Variants in EFHD1 observed in about 807,000 individuals in gnomAD.
EFHD1 encodes EF-hand domain-containing protein D1.
EFHD1 carries 10 observed loss-of-function variants against 17.2 expected under a neutral mutation model. That is an observed-to-expected ratio of 0.58 (90% CI 0.36 to 0.99). The LOEUF (loss-of-function observed/expected upper bound fraction) is 0.99. Among genes scored for constraint, EFHD1 ranks in the 50% least tolerant of loss-of-function variants. The pLI, the probability that EFHD1 is intolerant of heterozygous loss-of-function variation, is 0.01. For synonymous variants in EFHD1, 153 were observed against 142.0 expected, an observed-to-expected ratio of 1.08 and a Z score of -0.55; for missense variants, 310 against 327.5, an observed-to-expected ratio of 0.95 and a Z score of 0.41.
intron 1 of EFHD1, among the ~76,000 whole-genome samples, chr2:232,638,994 G>C (rs1694373387): frequency 6.6e-6 from 1 of 152,190 alleles, no homozygotes; most frequent in Admixed American, 6.5e-5. Context: ...CCTTGGAACT[G>C]TGTCTTAGAC....
intron 1 of EFHD1, among the ~76,000 whole-genome samples, chr2:232,622,262 G>A (rs1333378399): frequency 6.6e-6 from 1 of 152,214 alleles, no homozygotes; most frequent in Non-Finnish European, 1.5e-5. Flanking sequence ...GAGGTCAGGA[G>A]TTCGAGACCA....
At chr2:232,630,780 C>G (rs1694186625), upstream of EFHD1, among the ~76,000 whole-genome samples, 1 of 76,902 alleles carries the variant, frequency 1.3e-5, no homozygotes, top group Non-Finnish European at 2.5e-5. Flanking sequence ...GATCTCATCT[C>G]TATTAAAAAA....
Position 232,666,016 on chromosome 2 carries a change from G to A in EFHD1, c.450+3067G>A, listed in dbSNP as rs531426720. ...CCCTGGTTTCTGATGTGAGACTTTGGGTCAAGCGTTGGTCTGTCTAGGCTA... is the reference window on the plus strand; with the variant it reads ...CCCTGGTTTCTGATGTGAGACTTTGAGTCAAGCGTTGGTCTGTCTAGGCTA... On this transcript the variant is annotated intron_variant, in intron 2 of 3. Coordinates refer to ENST00000264059, the MANE Select transcript of EFHD1 (RefSeq NM_025202.4). 6.6e-5 allele frequency among the ~76,000 whole-genome samples: 10 copies of A among 152,280 alleles called. No individual in the cohort carries two copies. The East Asian group carries it at 1.9e-3, about 29-fold the overall frequency.
chr2:232,657,899 C>CTTTTTTTTTTTTTTTT (rs1194396166), intron 1 of EFHD1, among the ~76,000 whole-genome samples: 3 of 100,662 alleles, frequency 3.0e-5, no homozygotes, highest in Non-Finnish European at 6.0e-5. Flanking sequence ...TCTTTCTTTT[C>CTTTTTTTTTTTTTTTT]TTTTTTTTTT....
intron 1 of EFHD1, among the ~76,000 whole-genome samples, chr2:232,615,951 T>G (rs1339595818): frequency 1.3e-5 from 2 of 152,222 alleles, no homozygotes; most frequent in African/African-American, 4.8e-5. Flanking sequence ...CCTCCCAAAG[T>G]GCTGGGATTA....
intron 1 of EFHD1, among the ~76,000 whole-genome samples, chr2:232,608,661 T>G (rs1260733227): frequency 6.6e-6 from 1 of 152,120 alleles, no homozygotes; most frequent in Non-Finnish European, 1.5e-5. Context: ...CCGGGCCCAG[T>G]GGCTCACGCC....
chr2:232,662,152 TG>T (rs1238550216), intron 1 of EFHD1, among the ~76,000 whole-genome samples: 1 of 151,650 alleles, frequency 6.6e-6, no homozygotes, highest in Non-Finnish European at 1.5e-5. Flanking sequence ...GTTTCCTGGC[TG>T]GGGGCTGGGG....
At chr2:232,622,243 G>T (rs527978543) in intron 1 of EFHD1, among the ~76,000 whole-genome samples, 3 of 152,198 alleles carry the variant, frequency 2.0e-5, no homozygotes, top group African/African-American at 2.4e-5. Flanking sequence ...CGAGGCAGGC[G>T]GATCACCTGA....
intron 3 of EFHD1, among the ~76,000 whole-genome samples, chr2:232,680,273 TA>T (rs532500309): frequency 0.049 from 7,029 of 142,798 alleles, 532 homozygotes; most frequent in African/African-American, 0.16. Flanking sequence ...AGACTCTGTC[TA>T]AAAAAAAAAA....
At chr2:232,629,269 C>T (rs1160490073), upstream of EFHD1, among the ~76,000 whole-genome samples, 1 of 152,152 alleles carries the variant, frequency 6.6e-6, no homozygotes, top group African/African-American at 2.4e-5. Flanking sequence ...TTTATTTTCC[C>T]TGGGAAAGGC....
intron 1 of EFHD1, chr2:232,611,761 T>C (rs1381370265): frequency 2.0e-5 from 3 of 152,174 alleles, no homozygotes; most frequent in Non-Finnish European, 2.9e-5. Flanking sequence ...CCACCAACCT[T>C]CCAGGGGACA....
At chr2:232,613,106 G>T (rs925539571) in intron 1 of EFHD1, among the ~76,000 whole-genome samples, 4 of 150,006 alleles carry the variant, frequency 2.7e-5, no homozygotes, top group African/African-American at 9.8e-5. Flanking sequence ...ACCACCCCCT[G>T]CCCCCCACCA....
At chr2:232,654,113 A>G (rs1037437194) in intron 1 of EFHD1, among the ~76,000 whole-genome samples, 1 of 151,672 alleles carries the variant, frequency 6.6e-6, no homozygotes, top group African/African-American at 2.4e-5. Context: ...AGGCTGATGC[A>G]TGAGAATCAC....
upstream of EFHD1, among the ~76,000 whole-genome samples, chr2:232,629,433 T>C (rs1694162514): frequency 1.3e-5 from 2 of 152,192 alleles, no homozygotes; most frequent in Non-Finnish European, 2.9e-5. Context: ...TACAGTTTTA[T>C]ACATTCATTG....
Position 232,619,176 on chromosome 2 carries a change from TAAATAAATAAATAAAC to T in EFHD1, c.14+13007_14+13022del, listed in dbSNP as rs753496110. On this transcript the variant is annotated intron_variant, in intron 1 of 3. Transcript: ENST00000409613. ...CTCAAAATATAAATAAATAAATAAA[TAAATAAATAAATAAAC>T]AAACAAACAAACAAATAAGAATTAA... Among the ~76,000 whole-genome samples, 753 of 141,906 alleles carry T rather than the reference TAAATAAATAAATAAAC, an allele frequency of 5.3e-3. 4 individuals carry two copies. The highest frequency in any genetic ancestry group is 0.011 in the Admixed American group (146 of 13,866). The allele number at this position is 141,906 out of a possible 152,430, so 93.1% of individuals were successfully genotyped here. A position where few individuals can be genotyped will look rare whatever the true frequency, so the allele number is the denominator to read the frequency against.
chr2:232,627,079 T>TTTTA (rs71056285), intron 1 of EFHD1, among the ~76,000 whole-genome samples: 13 of 132,936 alleles, frequency 9.8e-5, no homozygotes, highest in African/African-American at 3.7e-4. Flanking sequence ...TTTTTTTTTT[T>TTTTA]AATTAGCCAG....
chr2:232,654,708 G>A (rs945391733), intron 1 of EFHD1, among the ~76,000 whole-genome samples: 3 of 152,186 alleles, frequency 2.0e-5, no homozygotes, highest in South Asian at 2.1e-4. Context: ...GATTACAGGC[G>A]TGAGCCACCG....
intron 1 of EFHD1, among the ~76,000 whole-genome samples, chr2:232,643,135 A>G (rs954037791): frequency 2.0e-5 from 3 of 152,244 alleles, no homozygotes; most frequent in Middle Eastern, 3.4e-3. Flanking sequence ...CAGAGGCAGG[A>G]AAGACCTAGA....
chr2:232,661,908 CGTT>C (rs1319838773), intron 1 of EFHD1: 2 of 152,178 alleles, frequency 1.3e-5, no homozygotes, highest in African/African-American at 2.4e-5. Flanking sequence ...CAGACACCCG[CGTT>C]GTTTCCACCT....
Sources: gnomAD v4.1 joint callset for allele counts (sites outside exome capture counted in the v4.1 genomes callset) on GRCh38, gnomAD v4.1.1 for gene constraint, MANE v1.5 for transcripts, NCBI Gene and HGNC (gene_info 2026-07-23, HGNC 2026-07-21) for gene names.